The following CDC42BPA variants were observed in gnomAD, a reference collection of about 807,000 sequenced individuals.
CDC42BPA encodes the protein CDC42 binding protein kinase alpha.
In CDC42BPA, 80 loss-of-function variants were observed where a neutral mutation model predicts 223.5. That is an observed-to-expected ratio of 0.36 (90% CI 0.30 to 0.43). The LOEUF (loss-of-function observed/expected upper bound fraction) is 0.43. CDC42BPA is among the 20% of genes least tolerant of loss of function. The pLI, the probability that CDC42BPA is intolerant of heterozygous loss-of-function variation, is 1.00. For missense variants in CDC42BPA, 1,743 were observed against 2,099.9 expected, an observed-to-expected ratio of 0.83 and a Z score of 3.32; for synonymous variants, 694 against 718.6, an observed-to-expected ratio of 0.97 and a Z score of 0.55.
At chr1:227,168,343 T>A (rs761545081) in intron 5 of CDC42BPA, among the ~76,000 whole-genome samples, 1 of 152,152 alleles carries the variant, frequency 6.6e-6, no homozygotes, top group Non-Finnish European at 1.5e-5. Flanking sequence ...TATTTTCTAA[T>A]GAGAATTCAT....
intron 21 of CDC42BPA, among the ~76,000 whole-genome samples, chr1:227,055,412 T>C (rs940308228): frequency 1.3e-5 from 2 of 152,252 alleles, no homozygotes; most frequent in Non-Finnish European, 2.9e-5. Context: ...TAATGGCTTA[T>C]TCTATCCACT....
At chr1:227,182,377 T>C (rs1668089966) in intron 5 of CDC42BPA, among the ~76,000 whole-genome samples, 2 of 152,232 alleles carry the variant, frequency 1.3e-5, no homozygotes, top group African/African-American at 2.4e-5. Flanking sequence ...CAAATTTATA[T>C]GCACTGCAGG....
chr1:227,134,918 G>A (rs980513507), intron 10 of CDC42BPA, among the ~76,000 whole-genome samples: 6 of 152,278 alleles, frequency 3.9e-5, no homozygotes, highest in Admixed American at 6.5e-5. Context: ...TTCTCCTGCC[G>A]TAGAAAGTAA....
intron 5 of CDC42BPA, 188 bp downstream of exon 5, chr1:227,193,598 C>T (rs1670141331): frequency 5.6e-6 from 3 of 536,114 alleles, no homozygotes; most frequent in African/African-American, 1.9e-5. Flanking sequence ...GCAGGCACAT[C>T]GGTTCTGTAA....
intron 1 of CDC42BPA, among the ~76,000 whole-genome samples, chr1:227,299,452 A>G (rs758012428): frequency 6.6e-6 from 1 of 152,090 alleles, no homozygotes; most frequent in Non-Finnish European, 1.5e-5. Flanking sequence ...AATGGTTTAC[A>G]TGTTTTTTAG....
At chr1:227,084,577 A>G (rs1343444690) in intron 16 of CDC42BPA, among the ~76,000 whole-genome samples, 1 of 151,204 alleles carries the variant, frequency 6.6e-6, no homozygotes, top group East Asian at 1.9e-4. Context: ...TTTGCATACT[A>G]CTTTATTTCA....
intron 1 of CDC42BPA, among the ~76,000 whole-genome samples, chr1:227,256,936 T>TACAC (rs1354956767): frequency 1.3e-4 from 12 of 93,272 alleles, no homozygotes; most frequent in Non-Finnish European, 1.8e-4. Flanking sequence ...CAAAATGTGA[T>TACAC]ATATATATAC....
At chr1:227,231,858 G>A (rs1678040231) in intron 2 of CDC42BPA, among the ~76,000 whole-genome samples, 1 of 152,144 alleles carries the variant, frequency 6.6e-6, no homozygotes, top group Admixed American at 6.5e-5. Flanking sequence ...AAATTTGTTT[G>A]AGTTCTTTGT....
intron 2 of CDC42BPA, among the ~76,000 whole-genome samples, chr1:227,242,204 G>C (rs532772648): frequency 7.9e-5 from 12 of 152,180 alleles, no homozygotes; most frequent in African/African-American, 2.6e-4. Context: ...TGGAGCTTTT[G>C]ATAAAAGTTA....
At chr1:227,297,975 C>T (rs1279110601) in intron 1 of CDC42BPA, among the ~76,000 whole-genome samples, 1 of 130,302 alleles carries the variant, frequency 7.7e-6, no homozygotes, top group African/African-American at 3.2e-5. Flanking sequence ...TATACACACA[C>T]ACACACATAT....
intron 26 of CDC42BPA, among the ~76,000 whole-genome samples, chr1:227,034,287 T>C (rs961099203): frequency 1.3e-5 from 2 of 152,238 alleles, no homozygotes; most frequent in Non-Finnish European, 2.9e-5. Flanking sequence ...TTACTGATTA[T>C]GTTTTCCAGA....
At chr1:227,125,688 T>C (rs1184897613) in intron 11 of CDC42BPA, among the ~76,000 whole-genome samples, 3 of 151,016 alleles carry the variant, frequency 2.0e-5, no homozygotes, top group Admixed American at 1.3e-4. Context: ...TCCTCACACA[T>C]TGTCAGTAGA....
At chr1:227,073,702 T>A (rs10495260) in intron 19 of CDC42BPA, among the ~76,000 whole-genome samples, 162 bp downstream of exon 19, 1 of 152,124 alleles carries the variant, frequency 6.6e-6, no homozygotes, top group South Asian at 2.1e-4. Flanking sequence ...CTCATCACTA[T>A]CTACAAGGCT....
chr1:227,245,252 G>A (rs1453748176), intron 2 of CDC42BPA, among the ~76,000 whole-genome samples: 1 of 146,964 alleles, frequency 6.8e-6, no homozygotes, highest in Non-Finnish European at 1.5e-5. Flanking sequence ...AAGAACAGAA[G>A]AGCAAAGAGT....
At position 227,112,893 on chromosome 1, in the gene CDC42BPA, C is replaced by G; in HGVS notation, c.1668G>C (p.Glu556Asp). The change falls in exon 13 of 37, where the codon GAG (glutamate) becomes GAC (aspartate). Residue 556 changes from glutamate (E) to aspartate (D), a missense_variant. This residue lies in a region of CDC42BPA where 464 missense variants were observed against 488.0 expected (regional missense o/e 0.95). Coordinates refer to ENST00000366766, the MANE Select transcript of CDC42BPA (RefSeq NM_001394014.1). ...GCTCTTTGGATTGGTTTTTTAATCG[C>G]TCACTAGCCTGGACTAGTTCCTACA... ...DLNKELVQAS[E>D]RLKNQSKELK... is the part of the protein sequence containing the mutation. The G allele has an allele frequency of 6.2e-7, 1 of 1,613,950 alleles. No individual in the cohort carries two copies. The highest frequency in any genetic ancestry group is 8.5e-7 in the Non-Finnish European group (1 of 1,179,928).
At chr1:227,223,298 G>C (rs1396301905) in intron 2 of CDC42BPA, among the ~76,000 whole-genome samples, 2 of 152,124 alleles carry the variant, frequency 1.3e-5, no homozygotes, top group Non-Finnish European at 2.9e-5. Flanking sequence ...AGGACAATAA[G>C]CAGCTTCCTT....
intron 1 of CDC42BPA, among the ~76,000 whole-genome samples, chr1:227,298,300 C>A (rs982105306): frequency 2.0e-5 from 3 of 151,822 alleles, no homozygotes; most frequent in Admixed American, 2.0e-4. Context: ...GAAATTATGA[C>A]AAAATAGTAC....
chr1:227,316,170 T>C (rs765277510), intron 1 of CDC42BPA, among the ~76,000 whole-genome samples: 5 of 152,164 alleles, frequency 3.3e-5, no homozygotes, highest in African/African-American at 4.8e-5. Context: ...TGCGTGCTTA[T>C]TGCAACAGTG....
chr1:227,031,585 T>C, intron 27 of CDC42BPA, 71 bp from the exon 28 acceptor site: 1 of 1,244,948 alleles, frequency 8.0e-7, no homozygotes, highest in East Asian at 2.3e-5. Context: ...ATGATTATGT[T>C]AGTTTGCTTA....
Sources: gnomAD v4.1 joint callset for allele counts (sites outside exome capture counted in the v4.1 genomes callset) on GRCh38, gnomAD v4.1.1 for gene constraint, gnomAD v4.1.1 regional missense constraint, MANE v1.5 for transcripts, NCBI Gene and HGNC (gene_info 2026-07-23, HGNC 2026-07-21) for gene names.